The following JARID2 variants were observed in gnomAD, a reference collection of about 807,000 sequenced individuals.
JARID2 encodes the protein protein Jumonji.
In JARID2, 21 loss-of-function variants were observed where a neutral mutation model predicts 125.6. That is an observed-to-expected ratio of 0.17 (90% CI 0.12 to 0.24). JARID2 has a LOEUF of 0.24. Among genes scored for constraint, JARID2 ranks in the 10% least tolerant of loss-of-function variants. The pLI, the probability that JARID2 is intolerant of heterozygous loss-of-function variation, is 1.00. For missense variants in JARID2, 1,303 were observed against 1,639.6 expected, an observed-to-expected ratio of 0.79 and a Z score of 3.55; for synonymous variants, 736 against 661.6, an observed-to-expected ratio of 1.11 and a Z score of -1.73.
chr6:15,445,691 T>C (rs528084677), intron 3 of JARID2, among the ~76,000 whole-genome samples: 1 of 152,314 alleles, frequency 6.6e-6, no homozygotes, highest in South Asian at 2.1e-4. Context: ...ACAGTTGTGC[T>C]GTGTGAGGCC....
At chr6:15,353,319 A>G (rs1763492129) in intron 1 of JARID2, among the ~76,000 whole-genome samples, 1 of 152,124 alleles carries the variant, frequency 6.6e-6, no homozygotes, top group Non-Finnish European at 1.5e-5. Context: ...TCATGTGTTT[A>G]TTGTTCACTT....
chr6:15,252,592 T>TG (rs1759498473), intron 1 of JARID2, among the ~76,000 whole-genome samples: 1 of 152,246 alleles, frequency 6.6e-6, no homozygotes, highest in Admixed American at 6.5e-5. Flanking sequence ...ACCTAATTCA[T>TG]GGAGTTCAGA....
intron 3 of JARID2, among the ~76,000 whole-genome samples, chr6:15,441,867 C>G (rs1049541238): frequency 6.6e-5 from 10 of 152,194 alleles, no homozygotes; most frequent in Admixed American, 6.5e-4. Flanking sequence ...TCTCGGCTCA[C>G]TGCAACCTCC....
intron 7 of JARID2, among the ~76,000 whole-genome samples, chr6:15,499,288 A>G (rs772096229): frequency 6.6e-5 from 10 of 152,082 alleles, no homozygotes; most frequent in Non-Finnish European, 1.3e-4. Context: ...GTTCACTTCC[A>G]CCGCAGGTCC....
At chr6:15,507,006 C>T in intron 9 of JARID2, 130 bp from the exon 10 acceptor site, 1 of 663,328 alleles carries the variant, frequency 1.5e-6, no homozygotes, top group Admixed American at 2.4e-5. Flanking sequence ...TGGAGACACT[C>T]TGCAAAGAGA....
intron 16 of JARID2, among the ~76,000 whole-genome samples, chr6:15,516,005 A>AT (rs1195482490): frequency 4.6e-5 from 7 of 152,074 alleles, no homozygotes; most frequent in African/African-American, 7.2e-5. Flanking sequence ...AAAAAAAAAA[A>AT]AAAAACCCGT....
intron 1 of JARID2, among the ~76,000 whole-genome samples, chr6:15,351,335 C>A (rs1763421884): frequency 6.6e-6 from 1 of 152,138 alleles, no homozygotes; most frequent in South Asian, 2.1e-4. Flanking sequence ...GGATTCCGGT[C>A]AACCTCTTGT....
intron 5 of JARID2, among the ~76,000 whole-genome samples, chr6:15,484,181 TG>T (rs1769755466): frequency 7.9e-6 from 1 of 126,748 alleles, no homozygotes; most frequent in African/African-American, 3.1e-5. Context: ...AGTGGAAAAT[TG>T]GGATGTGTTT....
chr6:15,420,558 T>C (rs1766440139), intron 3 of JARID2, among the ~76,000 whole-genome samples: 1 of 152,224 alleles, frequency 6.6e-6, no homozygotes, highest in Non-Finnish European at 1.5e-5. Flanking sequence ...ACAAAACAGT[T>C]TTGATTGATT....
chr6:15,487,650 C>T, intron 6 of JARID2, 108 bp downstream of exon 6: 1 of 991,290 alleles, frequency 1.0e-6, no homozygotes, highest in Non-Finnish European at 1.5e-6. Flanking sequence ...GGAGGTGATG[C>T]CCAGAAGCAA....
At chr6:15,355,740 G>T (rs1050253285) in intron 1 of JARID2, among the ~76,000 whole-genome samples, 1 of 152,014 alleles carries the variant, frequency 6.6e-6, no homozygotes, top group Non-Finnish European at 1.5e-5. Flanking sequence ...GTCTCCAGAG[G>T]AGGTGGGACC....
At chr6:15,323,173 G>T (rs1239885105) in intron 1 of JARID2, among the ~76,000 whole-genome samples, 2 of 152,254 alleles carry the variant, frequency 1.3e-5, no homozygotes, top group African/African-American at 2.4e-5. Context: ...TGGGTGGTGG[G>T]CTTTTGCTTG....
Position 15,508,282 on chromosome 6 carries a change from C to G in JARID2, c.2732-58C>G, listed in dbSNP as rs958281016. On this transcript the variant is annotated intron_variant, in intron 11 of 17. Transcript: ENST00000341776. ...AAGAAAGAGATTTTTACTTACTGTTCCTTTGAGACCTTGTTGCCTAGCTTT... is the reference window on the plus strand; with the variant it reads ...AAGAAAGAGATTTTTACTTACTGTTGCTTTGAGACCTTGTTGCCTAGCTTT... The G allele has an allele frequency of 3.5e-6, 3 of 847,696 alleles. No homozygotes were observed. The Admixed American group carries it at 5.3e-5, about 15-fold the overall frequency. 52.5% of individuals were successfully genotyped at this position (847,696 alleles called of 1,614,324 possible).
chr6:15,270,098 ATCCT>A (rs559250048), intron 1 of JARID2, among the ~76,000 whole-genome samples: 34 of 152,030 alleles, frequency 2.2e-4, no homozygotes, highest in Non-Finnish European at 2.9e-4. Flanking sequence ...CTCAGGGTCG[ATCCT>A]TCCTTCCTTC....
At chr6:15,370,352 T>C (rs1328178861) in intron 1 of JARID2, among the ~76,000 whole-genome samples, 1 of 86,226 alleles carries the variant, frequency 1.2e-5, no homozygotes, top group Non-Finnish European at 2.3e-5. Flanking sequence ...TTTTTTTTTT[T>C]AAAGACTTGC....
intron 1 of JARID2, among the ~76,000 whole-genome samples, chr6:15,302,331 G>T (rs1185986906): frequency 6.6e-6 from 1 of 152,070 alleles, no homozygotes; most frequent in Non-Finnish European, 1.5e-5. Context: ...CAGGAGAATC[G>T]CCTGAACCTG....
chr6:15,480,903 C>G (rs1769581707), intron 5 of JARID2, among the ~76,000 whole-genome samples: 1 of 152,176 alleles, frequency 6.6e-6, no homozygotes, highest in African/African-American at 2.4e-5. Flanking sequence ...AGGGTCTCTT[C>G]CAGGAAACTT....
At chr6:15,290,045 CA>C (rs1311701572) in intron 1 of JARID2, among the ~76,000 whole-genome samples, 2 of 152,148 alleles carry the variant, frequency 1.3e-5, no homozygotes, top group African/African-American at 4.8e-5. Context: ...CCATTTCAAG[CA>C]TACAGTTTTG....
chr6:15,312,585 G>T (rs1272752426), intron 1 of JARID2, among the ~76,000 whole-genome samples: 1 of 152,172 alleles, frequency 6.6e-6, no homozygotes. Flanking sequence ...TGTTGTAAAT[G>T]CCATATAGAT....
Sources: gnomAD v4.1 joint callset for allele counts (sites outside exome capture counted in the v4.1 genomes callset) on GRCh38, gnomAD v4.1.1 for gene constraint, MANE v1.5 for transcripts, NCBI Gene and HGNC (gene_info 2026-07-23, HGNC 2026-07-21) for gene names.